The following FAT3 variants were observed in gnomAD, a reference collection of about 807,000 sequenced individuals.
The protein encoded by FAT3 is FAT atypical cadherin 3.
In FAT3, 95 loss-of-function variants were observed where a neutral mutation model predicts 310.2. That is an observed-to-expected ratio of 0.31 (90% CI 0.26 to 0.36). The LOEUF is 0.36. FAT3 is among the 10% of genes least tolerant of loss of function. The pLI is 1.00. For missense variants in FAT3, 5,408 were observed against 5,715.6 expected (o/e 0.95, Z 1.74); for synonymous variants, 2,314 against 2,192.9 (o/e 1.06, Z -1.54).
At chr11:92,503,414 G>C (rs967608837) in intron 2 of FAT3, among the ~76,000 whole-genome samples, 1 of 152,042 alleles carries the variant, frequency 6.6e-6, no homozygotes, top group Non-Finnish European at 1.5e-5. Context: ...ACTATCATTA[G>C]TATTGTAACA....
intron 2 of FAT3, among the ~76,000 whole-genome samples, chr11:92,401,190 G>A (rs1465932433): frequency 6.6e-6 from 1 of 152,154 alleles, no homozygotes; most frequent in Non-Finnish European, 1.5e-5. Context: ...ATGAATTGCT[G>A]GAAACTGAGT....
intron 18 of FAT3, among the ~76,000 whole-genome samples, chr11:92,843,203 A>C (rs1016836442): frequency 6.6e-6 from 1 of 152,118 alleles, no homozygotes; most frequent in Non-Finnish European, 1.5e-5. Flanking sequence ...CTCTCCCCAG[A>C]TCCCACCTGG....
At chr11:92,563,751 G>T (rs549325925) in intron 3 of FAT3, among the ~76,000 whole-genome samples, 1 of 152,048 alleles carries the variant, frequency 6.6e-6, no homozygotes, top group Non-Finnish European at 1.5e-5. Flanking sequence ...TTAAGGAAAA[G>T]AATTTTCAAC....
At chr11:92,690,578 T>A (rs916992410) in intron 3 of FAT3, among the ~76,000 whole-genome samples, 2 of 152,288 alleles carry the variant, frequency 1.3e-5, no homozygotes, top group African/African-American at 2.4e-5. Context: ...GTATATATAT[T>A]TTTTTCTTTC....
intron 2 of FAT3, among the ~76,000 whole-genome samples, chr11:92,482,935 G>A (rs1952273203): frequency 6.6e-6 from 1 of 152,318 alleles, no homozygotes; most frequent in Middle Eastern, 3.4e-3. Context: ...CTCAGAAGCA[G>A]TCACAAAGAG....
At chr11:92,720,234 G>T (rs1944822931) in intron 4 of FAT3, among the ~76,000 whole-genome samples, 1 of 152,138 alleles carries the variant, frequency 6.6e-6, no homozygotes, top group Non-Finnish European at 1.5e-5. Context: ...TTTAAGCACT[G>T]CTGTGGAATA....
intron 4 of FAT3, among the ~76,000 whole-genome samples, chr11:92,751,185 T>A (rs1006837606): frequency 1.3e-5 from 2 of 152,174 alleles, no homozygotes; most frequent in Non-Finnish European, 2.9e-5. Flanking sequence ...AAAGGCAGCA[T>A]AATGTGATGG....
chr11:92,398,253 C>T (rs1949924264), intron 2 of FAT3, among the ~76,000 whole-genome samples: 1 of 152,044 alleles, frequency 6.6e-6, no homozygotes, highest in African/African-American at 2.4e-5. Context: ...GTAATCCAAG[C>T]ACTTTGGGAG....
chr11:92,335,350 T>C (rs1348251277), intron 1 of FAT3, among the ~76,000 whole-genome samples: 2 of 152,236 alleles, frequency 1.3e-5, no homozygotes, highest in African/African-American at 4.8e-5. Context: ...AGTGGCTTTC[T>C]TGACAGGCAA....
chr11:92,545,180 T>A, intron 3 of FAT3, among the ~76,000 whole-genome samples: 1 of 152,108 alleles, frequency 6.6e-6, no homozygotes, highest in East Asian at 1.9e-4. Context: ...ATGTAACTGG[T>A]CCCCTAGTTC....
chr11:92,335,688 C>T (rs1565234953), intron 1 of FAT3, among the ~76,000 whole-genome samples: 1 of 151,864 alleles, frequency 6.6e-6, no homozygotes, highest in African/African-American at 2.4e-5. Context: ...AGTATATGCA[C>T]TTTTTTTTGC....
At chr11:92,830,555 C>T (rs1948218385) in intron 13 of FAT3, among the ~76,000 whole-genome samples, 1 of 152,096 alleles carries the variant, frequency 6.6e-6, no homozygotes, top group Admixed American at 6.5e-5. Flanking sequence ...CATCTGTACA[C>T]CAATGACACT....
chr11:92,719,624 A>G (rs2095261368), intron 4 of FAT3, among the ~76,000 whole-genome samples: 1 of 151,720 alleles, frequency 6.6e-6, no homozygotes, highest in African/African-American at 2.4e-5. Context: ...CTGTACATAC[A>G]TGTTCAGTAC....
At chr11:92,530,514 G>A (rs1005888783) in intron 3 of FAT3, among the ~76,000 whole-genome samples, 13 of 152,048 alleles carry the variant, frequency 8.5e-5, no homozygotes, top group South Asian at 2.1e-4. Context: ...CTTTTATCAA[G>A]TGGAGAAAAA....
intron 19 of FAT3, among the ~76,000 whole-genome samples, chr11:92,846,816 G>A (rs1196506296): frequency 6.6e-6 from 1 of 152,218 alleles, no homozygotes; most frequent in African/African-American, 2.4e-5. Context: ...GCTTTGTGCA[G>A]AGTCAGGCCA....
chr11:92,606,847 G>A (rs985560460), intron 3 of FAT3, among the ~76,000 whole-genome samples: 1 of 152,162 alleles, frequency 6.6e-6, no homozygotes, highest in East Asian at 1.9e-4. Flanking sequence ...AGGGTAGGAA[G>A]TGCCCACACC....
At chr11:92,606,613 T>G (rs951082811) in intron 3 of FAT3, among the ~76,000 whole-genome samples, 1 of 152,186 alleles carries the variant, frequency 6.6e-6, no homozygotes, top group African/African-American at 2.4e-5. Context: ...TGTCAGTCAT[T>G]CTGCTAACTT....
At chr11:92,269,336 C>G (rs542767432) in intron 1 of FAT3, among the ~76,000 whole-genome samples, 69 of 152,202 alleles carry the variant, frequency 4.5e-4, no homozygotes, top group African/African-American at 1.6e-3. Context: ...TCATTTAGGT[C>G]TGTGTTCACA....
intron 3 of FAT3, among the ~76,000 whole-genome samples, chr11:92,607,723 A>G (rs1277656516): frequency 2.0e-5 from 3 of 152,216 alleles, no homozygotes; most frequent in Non-Finnish European, 4.4e-5. Flanking sequence ...ATATGATATT[A>G]TAATCTGTTC....
Sources: allele counts gnomAD v4.1 joint callset (sites outside exome capture counted in the v4.1 genomes callset), GRCh38; gene constraint gnomAD v4.1.1; transcripts MANE v1.5; gene names NCBI Gene and HGNC (gene_info 2026-07-23, HGNC 2026-07-21).